TRHDE: variants seen among roughly 807,000 people sequenced by gnomAD.
TRHDE encodes thyrotropin releasing hormone degrading enzyme.
TRHDE carries 72 observed loss-of-function variants against 125.7 expected under a neutral mutation model. The ratio of observed to expected loss-of-function variants is 0.57; its 90% CI spans 0.47 to 0.70. The LOEUF (loss-of-function observed/expected upper bound fraction) is 0.70. TRHDE is among the 30% of genes least tolerant of loss of function. The pLI is 0.00. For synonymous variants in TRHDE, 509 were observed against 509.1 expected, an observed-to-expected ratio of 1.00 and a Z score of 0.00; for missense variants, 1,110 against 1,327.1, an observed-to-expected ratio of 0.84 and a Z score of 2.54.
At chr12:72,517,900 G>A (rs1345357749) in intron 6 of TRHDE, among the ~76,000 whole-genome samples, 1 of 151,958 alleles carries the variant, frequency 6.6e-6, no homozygotes, top group South Asian at 2.1e-4. Flanking sequence ...ATTTCATTAT[G>A]TACCCAGTTG....
intron 3 of TRHDE, among the ~76,000 whole-genome samples, chr12:72,424,433 A>C (rs1051098036): frequency 6.6e-6 from 1 of 152,120 alleles, no homozygotes; most frequent in African/African-American, 2.4e-5. Flanking sequence ...CACAAGTACC[A>C]CGGGTTAGGG....
At chr12:72,259,012 TTTTTCTCCC>T (rs1878885210) in intron 2 of TRHDE, among the ~76,000 whole-genome samples, 1 of 152,164 alleles carries the variant, frequency 6.6e-6, no homozygotes, top group Non-Finnish European at 1.5e-5. Flanking sequence ...TAATGTTAAC[TTTTTCTCCC>T]TTTGTAATTA....
At chr12:72,637,997 A>G (rs1483600944) in intron 15 of TRHDE, among the ~76,000 whole-genome samples, 1 of 151,244 alleles carries the variant, frequency 6.6e-6, no homozygotes, top group Non-Finnish European at 1.5e-5. Flanking sequence ...TGGGGTGGAG[A>G]GTTCTGTAGA....
At chr12:72,369,698 C>T (rs1871489391) in intron 2 of TRHDE, among the ~76,000 whole-genome samples, 1 of 152,062 alleles carries the variant, frequency 6.6e-6, no homozygotes, top group Non-Finnish European at 1.5e-5. Flanking sequence ...AGTTGACCCT[C>T]CAGTCCCTGC....
intron 3 of TRHDE, among the ~76,000 whole-genome samples, chr12:72,387,442 C>T (rs140644266): frequency 3.1e-4 from 47 of 152,086 alleles, no homozygotes; most frequent in Non-Finnish European, 5.0e-4. Flanking sequence ...TGCTAGTATT[C>T]GCATTCCAAC....
chr12:72,634,577 T>A (rs1048198148), intron 15 of TRHDE, among the ~76,000 whole-genome samples: 2 of 152,074 alleles, frequency 1.3e-5, no homozygotes, highest in African/African-American at 4.8e-5. Flanking sequence ...TGTATACATG[T>A]GCCATGCTGG....
intron 2 of TRHDE, among the ~76,000 whole-genome samples, chr12:72,117,264 G>A (rs989316886): frequency 2.0e-5 from 3 of 152,076 alleles, no homozygotes; most frequent in Non-Finnish European, 2.9e-5. Context: ...TATGGTGAGA[G>A]ATAAAGGTCT....
chr12:72,513,334 G>A (rs1047658970), intron 6 of TRHDE, among the ~76,000 whole-genome samples: 4 of 151,972 alleles, frequency 2.6e-5, no homozygotes, highest in Non-Finnish European at 5.9e-5. Flanking sequence ...AATTCTAGTC[G>A]AACAACAAAG....
At chr12:72,297,360 G>C (rs1241207708) in intron 2 of TRHDE, among the ~76,000 whole-genome samples, 1 of 152,196 alleles carries the variant, frequency 6.6e-6, no homozygotes, top group Non-Finnish European at 1.5e-5. Context: ...GTATGTGATA[G>C]AGAGGAGGGT....
intron 7 of TRHDE, among the ~76,000 whole-genome samples, chr12:72,543,605 T>C (rs571098764): frequency 2.0e-4 from 31 of 151,518 alleles, no homozygotes; most frequent in East Asian, 1.2e-3. Context: ...AGTTGTAGCA[T>C]GACAGTTTCA....
intron 3 of TRHDE, among the ~76,000 whole-genome samples, chr12:72,392,254 A>G (rs1313275078): frequency 2.0e-5 from 3 of 152,172 alleles, no homozygotes; most frequent in South Asian, 2.1e-4. Context: ...TAAGGCTTGG[A>G]TCATTTTGCT....
At chr12:72,360,898 T>C (rs544083860) in intron 2 of TRHDE, among the ~76,000 whole-genome samples, 50 of 151,790 alleles carry the variant, frequency 3.3e-4, no homozygotes, top group African/African-American at 1.2e-3. Context: ...AAACGTGTGC[T>C]GGGGTGGTTT....
At chr12:72,474,206 A>G (rs1876783393) in intron 5 of TRHDE, among the ~76,000 whole-genome samples, 1 of 152,178 alleles carries the variant, frequency 6.6e-6, no homozygotes, top group South Asian at 2.1e-4. Flanking sequence ...TGGTCACCAC[A>G]GTCTATGCCA....
chr12:72,618,329 C>T (rs1872904946), intron 12 of TRHDE, among the ~76,000 whole-genome samples: 1 of 151,902 alleles, frequency 6.6e-6, no homozygotes, highest in African/African-American at 2.4e-5. Flanking sequence ...GTAATTTGGA[C>T]TTTATTAAAA....
intron 12 of TRHDE, among the ~76,000 whole-genome samples, chr12:72,594,464 C>T (rs550449844): frequency 8.0e-5 from 12 of 150,506 alleles, no homozygotes; most frequent in East Asian, 6.0e-4. Flanking sequence ...GTCATCCACC[C>T]GCCTTGGCCT....
intron 2 of TRHDE, among the ~76,000 whole-genome samples, chr12:72,189,702 C>T (rs1273374239): frequency 6.6e-6 from 1 of 152,084 alleles, no homozygotes; most frequent in African/African-American, 2.4e-5. Flanking sequence ...CTTAGGGGGT[C>T]GCTTTGGACT....
At chr12:72,411,819 A>C (rs891284607) in intron 3 of TRHDE, among the ~76,000 whole-genome samples, 1 of 152,188 alleles carries the variant, frequency 6.6e-6, no homozygotes, top group Non-Finnish European at 1.5e-5. Context: ...GCCCAAGAAG[A>C]AACCCACTTA....
chr12:72,364,306 AC>A (rs2135755680), intron 2 of TRHDE, among the ~76,000 whole-genome samples: 1 of 152,186 alleles, frequency 6.6e-6, no homozygotes, highest in African/African-American at 2.4e-5. Flanking sequence ...CCTGTCAGAA[AC>A]CTATATCCGT....
chr12:72,173,312 T>C lies in TRHDE; in HGVS notation n.279+67560T>C, dbSNP rs566790747. Reference sequence around the variant, plus strand: ...GACACAAAGCTAGGAGAGGTTGCTGTGACCTGATAGTGGGTAGGAAAGGAT... The same window carrying C: ...GACACAAAGCTAGGAGAGGTTGCTGCGACCTGATAGTGGGTAGGAAAGGAT... On this transcript the variant is annotated intron_variant and non_coding_transcript_variant, in intron 2 of 4. Coordinates refer to the TRHDE transcript ENST00000548156. Among the ~76,000 whole-genome samples the C allele has an allele frequency of 2.6e-5, 4 of 152,306 alleles. No homozygotes were observed. The South Asian group carries it at 6.2e-4, about 24-fold the overall frequency.
Sources: allele counts gnomAD v4.1 joint callset (sites outside exome capture counted in the v4.1 genomes callset), GRCh38; gene constraint gnomAD v4.1.1; transcripts MANE v1.5; gene names NCBI Gene and HGNC (gene_info 2026-07-23, HGNC 2026-07-21).